The following UBE4B variants were observed in gnomAD, a reference collection of about 807,000 sequenced individuals.
UBE4B encodes the protein ubiquitin conjugation factor E4 B.
Under a neutral mutation model 148.1 loss-of-function variants are expected in UBE4B, and 27 were observed. That is an observed-to-expected ratio of 0.18 (90% CI 0.13 to 0.25). The LOEUF is 0.25. Among genes scored for constraint, UBE4B ranks in the 10% least tolerant of loss-of-function variants. UBE4B has a pLI of 1.00. For synonymous variants in UBE4B, 596 were observed against 619.3 expected (o/e 0.96, Z 0.56); for missense variants, 1,170 against 1,662.4 (o/e 0.70, Z 5.15).
At position 10,179,002 on chromosome 1, in the gene UBE4B, T is replaced by G. The variant is rs937733697; in HGVS notation, c.3700+184T>G. The G allele has an allele frequency of 7.8e-6, 5 of 637,098 alleles. No individual in the cohort carries two copies. In the Admixed American group the frequency reaches 1.9e-4, roughly 24 times the overall value. The allele number at this position is 637,098 out of a possible 1,614,324, so 39.5% of individuals were successfully genotyped here. A position where few individuals can be genotyped will look rare whatever the true frequency, so the allele number is the denominator to read the frequency against. ...TATTGTAAATTGAGAGGAAGAAACA[T>G]CCTTAGCTTAGCCTGACTTAAAGCC... is the stretch of plus-strand genomic sequence containing the variant. On this transcript the variant is annotated intron_variant, in intron 26 of 27. Transcript: ENST00000343090.
rs72861501 is a variant in UBE4B, at chr1:10,132,891, G to A, written c.2025+409G>A. 5.3e-3 allele frequency among the ~76,000 whole-genome samples: 811 copies of A among 152,292 alleles called. 10 individuals carry two copies. Among genetic ancestry groups the A allele is most frequent in the African/African-American group, 0.019 (782 of 41,558 alleles). ...AGCAGCTTTGGTACAAGCCCAGCACGCAGGCTTTTGTGGCTGGAGAAGAGT... is the reference window on the plus strand; with the variant it reads ...AGCAGCTTTGGTACAAGCCCAGCACACAGGCTTTTGTGGCTGGAGAAGAGT... On this transcript the variant is annotated intron_variant, in intron 15 of 27. Transcript: ENST00000343090.
intron 3 of UBE4B, among the ~76,000 whole-genome samples, chr1:10,097,834 A>G (rs1644953188): frequency 6.6e-6 from 1 of 152,002 alleles, no homozygotes; most frequent in African/African-American, 2.4e-5. Context: ...ATAAATAAAC[A>G]CATCATGGAA....
At chr1:10,144,103 A>C (rs1413059923) in intron 17 of UBE4B, among the ~76,000 whole-genome samples, 1 of 152,202 alleles carries the variant, frequency 6.6e-6, no homozygotes, top group Non-Finnish European at 1.5e-5. Flanking sequence ...CAAAATATGC[A>C]GCCTATTAGG....
At chr1:10,133,780 T>A (rs1260975951) in intron 15 of UBE4B, among the ~76,000 whole-genome samples, 1 of 152,090 alleles carries the variant, frequency 6.6e-6, no homozygotes, top group African/African-American at 2.4e-5. Flanking sequence ...GCATGGTGGC[T>A]GGTGCATGCC....
In UBE4B at chr1:10,137,125, C is replaced by T. The variant is rs1300570274; in HGVS notation, c.2283C>T (p.Thr761=). The T allele has an allele frequency of 1.2e-6, 2 of 1,614,090 alleles. No homozygotes were observed. Among genetic ancestry groups the T allele is most frequent in the African/African-American group, 2.7e-5 (2 of 75,020 alleles). ...PKFPTECFFL[T]LHAHHLSILP... Reference sequence around the variant, plus strand: ...TCCCTACGGAGTGCTTCTTTCTCACCCTGCATGCTCACCACCTCTCTATTC... The same window carrying T: ...TCCCTACGGAGTGCTTCTTTCTCACTCTGCATGCTCACCACCTCTCTATTC... The change falls in exon 17 of 28, where the codon ACC becomes ACT. Residue 761 remains threonine, a synonymous_variant. Transcript: ENST00000343090.
intron 1 of UBE4B, among the ~76,000 whole-genome samples, chr1:10,065,268 A>T (rs1227959740): frequency 6.6e-6 from 1 of 152,192 alleles, no homozygotes; most frequent in Non-Finnish European, 1.5e-5. Context: ...GGAAGGCTTC[A>T]TTGAGAAGGT....
intron 5 of UBE4B, 36 bp downstream of exon 5, chr1:10,103,128 C>T: frequency 6.5e-7 from 1 of 1,542,392 alleles, no homozygotes; most frequent in South Asian, 1.2e-5. Flanking sequence ...CTGCAGAGTA[C>T]TCGACAAGAA....
At chr1:10,175,783 C>T (rs1386783507) in intron 25 of UBE4B, among the ~76,000 whole-genome samples, 3 of 152,164 alleles carry the variant, frequency 2.0e-5, no homozygotes, top group East Asian at 3.8e-4. Context: ...TATGAGTCTG[C>T]GTCTCACAAA....
intron 8 of UBE4B, among the ~76,000 whole-genome samples, chr1:10,118,999 C>T (rs1645364499): frequency 6.7e-6 from 1 of 149,796 alleles, no homozygotes; most frequent in African/African-American, 2.5e-5. Flanking sequence ...TCCCCTGCCT[C>T]AGCCTCCTGA....
At chr1:10,070,815 GAA>G (rs550950125) in intron 1 of UBE4B, among the ~76,000 whole-genome samples, 113 of 152,266 alleles carry the variant, frequency 7.4e-4, no homozygotes, top group African/African-American at 2.4e-3. Context: ...AGTAAAAAAA[GAA>G]AATCTGATCA....
chr1:10,126,610 A>G (rs1465634932), intron 10 of UBE4B, among the ~76,000 whole-genome samples, 184 bp from the exon 11 acceptor site: 1 of 152,186 alleles, frequency 6.6e-6, no homozygotes, highest in African/African-American at 2.4e-5. Context: ...GTATTACTTT[A>G]TGGTTAGACT....
intron 25 of UBE4B, among the ~76,000 whole-genome samples, chr1:10,174,702 C>CAAA (rs1024868484): frequency 2.7e-4 from 22 of 80,154 alleles, no homozygotes; most frequent in Admixed American, 1.6e-3. Flanking sequence ...AACTCCGTCT[C>CAAA]AAAAAAAAAA....
intron 1 of UBE4B, among the ~76,000 whole-genome samples, chr1:10,053,317 T>G (rs1481341833): frequency 6.6e-6 from 1 of 151,504 alleles, no homozygotes; most frequent in Non-Finnish European, 1.5e-5. Context: ...CCCGGCTAAT[T>G]TTTTTGTATT....
At chr1:10,073,941 T>A (rs1473303797) in intron 2 of UBE4B, among the ~76,000 whole-genome samples, 2 of 148,382 alleles carry the variant, frequency 1.3e-5, no homozygotes, top group East Asian at 3.9e-4. Context: ...TTTTTTTTTT[T>A]TTTGGAGATG....
chr1:10,057,600 C>T (rs1644199461), intron 1 of UBE4B, among the ~76,000 whole-genome samples: 1 of 150,830 alleles, frequency 6.6e-6, no homozygotes, highest in African/African-American at 2.4e-5. Context: ...GAGATGGAGT[C>T]TTGCTGTGTT....
At chr1:10,128,012 T>C (rs545102490) in intron 11 of UBE4B, among the ~76,000 whole-genome samples, 3 of 152,350 alleles carry the variant, frequency 2.0e-5, no homozygotes, top group African/African-American at 7.2e-5. Context: ...GCCAGAGCTC[T>C]TTCCATTGTA....
intron 1 of UBE4B, among the ~76,000 whole-genome samples, chr1:10,054,955 T>A (rs1034474938): frequency 6.6e-6 from 1 of 151,882 alleles, no homozygotes. Context: ...CCAGCTAATT[T>A]TTGTATTTTT....
chr1:10,122,577 GT>G (rs1048879841), intron 10 of UBE4B, among the ~76,000 whole-genome samples: 2 of 152,200 alleles, frequency 1.3e-5, no homozygotes, highest in African/African-American at 4.8e-5. Context: ...TTTATACATT[GT>G]TTTGGTATCT....
chr1:10,172,529 CT>C (rs1646353929), intron 25 of UBE4B, among the ~76,000 whole-genome samples: 1 of 152,174 alleles, frequency 6.6e-6, no homozygotes. Flanking sequence ...CTGCTGTCCA[CT>C]TAAAATGCCC....
Sources: allele counts gnomAD v4.1 joint callset (sites outside exome capture counted in the v4.1 genomes callset), GRCh38; gene constraint gnomAD v4.1.1; transcripts MANE v1.5; gene names NCBI Gene and HGNC (gene_info 2026-07-23, HGNC 2026-07-21).